EME1: variants seen among roughly 807,000 people sequenced by gnomAD.
The protein encoded by EME1 is structure-specific endonuclease subunit EME1.
EME1 carries 61 observed loss-of-function variants against 59.1 expected under a neutral mutation model. The observed-to-expected ratio is 1.03, with a 90% confidence interval of 0.84 to 1.28. EME1 has a LOEUF of 1.28. Among genes scored for constraint, EME1 ranks in the 50% most tolerant of loss-of-function variants. The pLI, the probability that EME1 is intolerant of heterozygous loss-of-function variation, is 0.00. For missense variants in EME1, 635 were observed against 682.6 expected (o/e 0.93, Z 0.78); for synonymous variants, 230 against 254.2 (o/e 0.90, Z 0.90).
At chr17:50,380,206 G>A (rs917029) in intron 7 of EME1, 106 bp from the exon 8 acceptor site, 728,791 of 1,171,548 alleles carry the variant, frequency 0.62, 232,133 homozygotes, top group Non-Finnish European at 0.66. Flanking sequence ...GTAACATGGC[G>A]CCCACCTCTT....
At chr17:50,380,532 C>T in intron 8 of EME1, 31 bp downstream of exon 8, 3 of 1,605,614 alleles carry the variant, frequency 1.9e-6, no homozygotes, top group Non-Finnish European at 2.6e-6. Flanking sequence ...GGGGTCACTG[C>T]CCATTGCCTG....
intron 7 of EME1, 157 bp downstream of exon 7, chr17:50,379,724 G>C: frequency 3.1e-6 from 2 of 638,540 alleles, no homozygotes; most frequent in Non-Finnish European, 5.4e-6. Flanking sequence ...GGGGATTCTT[G>C]GGAAGAGTCC....
chr17:50,380,740 A>T, intron 8 of EME1, 23 bp from the exon 9 acceptor site: 1 of 1,613,282 alleles, frequency 6.2e-7, no homozygotes, highest in Non-Finnish European at 8.5e-7. Context: ...GTACCATATT[A>T]AGAGGTCATC....
At position 50,379,225 on chromosome 17, in the gene EME1, G is replaced by T. The variant is rs778455049; in HGVS notation, c.1230+1G>T. On this transcript the variant is annotated splice_donor_variant, in intron 6 of 8. Transcript: ENST00000338165. LOFTEE classifies it high-confidence loss of function. ...GGTATCCAGGGTAGACGCTGAAGAGGTAAGAACGTCCTGTTGCCTGAATCG... is the reference window on the plus strand; with the variant it reads ...GGTATCCAGGGTAGACGCTGAAGAGTTAAGAACGTCCTGTTGCCTGAATCG... 9 of 1,613,956 alleles carry T rather than the reference G, an allele frequency of 5.6e-6. No individual in the cohort carries two copies. The highest frequency in any genetic ancestry group is 7.6e-6 in the Non-Finnish European group (9 of 1,180,016).
chr17:50,380,722 C>G, intron 8 of EME1, 41 bp from the exon 9 acceptor site: 1 of 1,611,582 alleles, frequency 6.2e-7, no homozygotes, highest in Non-Finnish European at 8.5e-7. Context: ...AAGGGATCAC[C>G]ATGGATGGTA....
rs1244605024 is a variant in EME1 at position 50,378,625 on chromosome 17, G to GT, written c.935dup (p.Leu313ThrfsTer37). The stretch of plus-strand genomic sequence containing the variant: ...AGAGGACTGGGTGGAGGAGCCAACA[G>GT]TACTGGTGTTGCTCCGGGCAGAGGC... On this transcript the variant is annotated frameshift_variant, in exon 4 of 9. Coordinates refer to ENST00000338165, the MANE Select transcript of EME1 (RefSeq NM_152463.4). LOFTEE classifies it high-confidence loss of function. 6.2e-7 allele frequency: 1 copy of GT among 1,614,112 alleles called. No homozygotes were observed. The highest frequency in any genetic ancestry group is 1.7e-5 in the Admixed American group (1 of 60,030).
Sources: gnomAD v4.1 joint callset for allele counts on GRCh38, gnomAD v4.1.1 for gene constraint, MANE v1.5 for transcripts, NCBI Gene and HGNC (gene_info 2026-07-23, HGNC 2026-07-21) for gene names.